Variants in KIAA0513 observed in about 807,000 individuals in gnomAD.
The protein encoded by KIAA0513 is uncharacterized protein KIAA0513.
Under a neutral mutation model 56.5 loss-of-function variants are expected in KIAA0513, and 39 were observed. That is an observed-to-expected ratio of 0.69 (90% confidence interval 0.53 to 0.90). The LOEUF (loss-of-function observed/expected upper bound fraction) is 0.90, where lower values mean the gene tolerates loss of function less well. Ranked by LOEUF, KIAA0513 falls within the 40% of genes least tolerant of loss-of-function variation. KIAA0513 has a pLI of 0.00. For synonymous variants in KIAA0513, 268 were observed against 215.6 expected (o/e 1.24, Z -2.13); for missense variants, 591 against 535.2 (o/e 1.10, Z -1.03).
intron 1 of KIAA0513, among the ~76,000 whole-genome samples, chr16:85,051,821 G>GTTT (rs573419828): frequency 7.1e-6 from 1 of 141,752 alleles, no homozygotes; most frequent in Admixed American, 7.1e-5. Context: ...TCCCTCTCAT[G>GTTT]TTTTTTTTTT....
At chr16:85,070,319 C>G (rs2073554317) in intron 2 of KIAA0513, among the ~76,000 whole-genome samples, 2 of 152,112 alleles carry the variant, frequency 1.3e-5, no homozygotes, top group Non-Finnish European at 2.9e-5. Context: ...GGAGACCAGC[C>G]TCAGTTTTCT....
At chr16:85,046,555 T>C (rs1363530037) in intron 1 of KIAA0513, among the ~76,000 whole-genome samples, 1 of 152,182 alleles carries the variant, frequency 6.6e-6, no homozygotes, top group African/African-American at 2.4e-5. Context: ...CCTTCCCTTC[T>C]ACAGATGGAC....
At chr16:85,056,834 G>A (rs1427120815) in intron 1 of KIAA0513, among the ~76,000 whole-genome samples, 1 of 152,082 alleles carries the variant, frequency 6.6e-6, no homozygotes, top group East Asian at 1.9e-4. Flanking sequence ...CAGACAGCTG[G>A]GTACTATAGG....
At chr16:85,035,580 T>G (rs566015266) in intron 1 of KIAA0513, among the ~76,000 whole-genome samples, 1 of 152,296 alleles carries the variant, frequency 6.6e-6, no homozygotes, top group East Asian at 1.9e-4. Flanking sequence ...AGCCTTGATC[T>G]CCCGGGCTCC....
rs199630925 is a variant in KIAA0513, at chr16:85,067,048, C to G, written c.-24C>G. On this transcript the variant is annotated 5_prime_UTR_variant, in exon 2 of 13. Coordinates refer to ENST00000683363, the MANE Select transcript of KIAA0513 (RefSeq NM_001388359.1). ...TCTAGGCAGCCTCCCCTCCAGGCAG[C>G]CTCACCAGCAGCTCCCCTGAGCCAT... The G allele has an allele frequency of 3.3e-4, 495 of 1,521,872 alleles. 3 individuals carry two copies. In the African/African-American group the frequency reaches 6.3e-3, roughly 19 times the overall value. 94.3% of individuals were successfully genotyped at this position (1,521,872 alleles called of 1,614,324 possible).
At chr16:85,031,373 A>G (rs1442346000) in intron 1 of KIAA0513, among the ~76,000 whole-genome samples, 2 of 152,184 alleles carry the variant, frequency 1.3e-5, no homozygotes, top group African/African-American at 4.8e-5. Context: ...AATCCCAGCT[A>G]CTAGGGAGGC....
Position 85,075,924 on chromosome 16 carries a change from G to C in KIAA0513, c.574+10G>C. 6.2e-7 allele frequency: 1 copy of C among 1,605,702 alleles called. No homozygotes were observed. The highest frequency in any genetic ancestry group is 1.7e-5 in the Admixed American group (1 of 60,010). On this transcript the variant is annotated intron_variant, in intron 5 of 12. Coordinates refer to ENST00000683363, the MANE Select transcript of KIAA0513 (RefSeq NM_001388359.1). The stretch of plus-strand genomic sequence containing the variant: ...ACCTACTACCACATCGGTAAGACAT[G>C]GGTGGGCTGATGTGGGGCTCACCTG...
Position 85,091,373 on chromosome 16 carries a change from G to C in KIAA0513, c.*3048G>C, listed in dbSNP as rs551992637. The C allele has an allele frequency of 6.6e-6, 1 of 152,286 alleles. No homozygotes were observed. Among genetic ancestry groups the C allele is most frequent in the South Asian group, 2.1e-4 (1 of 4,824 alleles). The allele number at this position is 152,286 out of a possible 1,614,324, so 9.4% of individuals were successfully genotyped here. ...TGTGCATGCGCATGTTTAACCACAG[G>C]CCAGAGAACTCAATTCTGATGTCGT... On this transcript the variant is annotated 3_prime_UTR_variant, in exon 13 of 13. Coordinates refer to ENST00000683363, the MANE Select transcript of KIAA0513 (RefSeq NM_001388359.1).
chr16:85,039,739 T>C (rs978427140), intron 1 of KIAA0513, among the ~76,000 whole-genome samples: 8 of 151,492 alleles, frequency 5.3e-5, no homozygotes, highest in African/African-American at 7.3e-5. Flanking sequence ...TGCCAAAGTA[T>C]TGGGATTACA....
intron 4 of KIAA0513, among the ~76,000 whole-genome samples, chr16:85,074,617 A>G (rs566242278): frequency 6.6e-6 from 1 of 152,290 alleles, no homozygotes; most frequent in South Asian, 2.1e-4. Context: ...AGGATACCCC[A>G]AGTCCAAGAT....
In KIAA0513 at chr16:85,067,211, C is replaced by A. The variant is rs778479553; in HGVS notation, c.140C>A (p.Thr47Asn). The part of the protein sequence containing the change: ...SLGDGASESE[T>N]TESADSENDM... ...GGGGACGGTGCATCAGAGAGTGAGA[C>A]CACTGAGTCTGCGGACAGTGAGAAT... is the stretch of plus-strand genomic sequence containing the variant. Residue 47 changes from threonine (T) to asparagine (N), a missense_variant, in exon 2 of 13, where the codon ACC becomes AAC. Transcript: ENST00000683363. 1.9e-5 allele frequency: 30 copies of A among 1,614,036 alleles called. No individual in the cohort carries two copies. The highest frequency in any genetic ancestry group is 2.7e-5 in the African/African-American group (2 of 74,934).
rs1306461374 is a variant in KIAA0513 at position 85,081,062 on chromosome 16, G to T, written c.903-253G>T. Among the ~76,000 whole-genome samples, 1 of 152,214 alleles carries T rather than the reference G, an allele frequency of 6.6e-6. No individual in the cohort carries two copies. Among genetic ancestry groups the T allele is most frequent in the African/African-American group, 2.4e-5 (1 of 41,456 alleles). ...GCCCTCCTGCCTGCAGCGCAGCCCG[G>T]GTTATCATAGCTTTCCCTCCCACTT... is the stretch of plus-strand genomic sequence containing the variant. On this transcript the variant is annotated intron_variant, in intron 8 of 12. Transcript: ENST00000683363. The surrounding 1 kb of genome is among the most constrained non-coding windows in gnomAD (Gnocchi z 4.4).
Position 85,075,862 on chromosome 16 carries a change from C to G in KIAA0513, c.522C>G (p.Asp174Glu), listed in dbSNP as rs2073648304. The change falls in exon 5 of 13, where the codon GAC becomes GAG. Residue 174 changes from aspartate (D) to glutamate (E), a missense_variant. Coordinates refer to ENST00000683363, the MANE Select transcript of KIAA0513 (RefSeq NM_001388359.1). ...VVLFECHQMD[D>E]FGPAKNLMTM... ...GTTTCAGGTGTCATCAGATGGATGA[C>G]TTTGGGCCTGCCAAGAACCTCATGA... 1 of 1,614,170 alleles carries G rather than the reference C, an allele frequency of 6.2e-7. No homozygotes were observed. The highest frequency in any genetic ancestry group is 8.5e-7 in the Non-Finnish European group (1 of 1,180,004).
chr16:85,086,732 C>T lies in KIAA0513; in HGVS notation c.1091+8C>T, dbSNP rs201925976. The T allele has an allele frequency of 4.6e-4, 744 of 1,610,074 alleles. 7 individuals are homozygous for T. In the African/African-American group the frequency reaches 9.3e-3, roughly 20 times the overall value. ...CACCTTCGGGCAGCTGGGGTAAGGG[C>T]CAGAGTGGGAAAGCGGGAGGGGAGA... On this transcript the variant is annotated splice_region_variant and intron_variant, in intron 11 of 12. Transcript: ENST00000683363.
At chr16:85,051,137 C>A (rs963213335) in intron 1 of KIAA0513, among the ~76,000 whole-genome samples, 2 of 151,744 alleles carry the variant, frequency 1.3e-5, no homozygotes, top group Non-Finnish European at 2.9e-5. Context: ...CAGAGTGAGA[C>A]CCTGTCTTAA....
rs933290699 is a variant in KIAA0513 at position 85,094,080 on chromosome 16, C to G, written c.*5755C>G. ...GTCCCGCTCGGTGATGTTCTACAAA[C>G]TCTGTTTTAAGGTTGAGAAAGTTTC... On this transcript the variant is annotated 3_prime_UTR_variant, in exon 13 of 13. Transcript: ENST00000683363. 1 of 152,178 alleles carries G rather than the reference C, an allele frequency of 6.6e-6. No homozygotes were observed. The highest frequency in any genetic ancestry group is 2.4e-5 in the African/African-American group (1 of 41,422). 9.4% of individuals were successfully genotyped at this position (152,178 alleles called of 1,614,324 possible). A position where few individuals can be genotyped will look rare whatever the true frequency, so the allele number is the denominator to read the frequency against.
intron 1 of KIAA0513, among the ~76,000 whole-genome samples, chr16:85,059,909 G>A (rs1260467468): frequency 6.6e-6 from 1 of 152,162 alleles, no homozygotes; most frequent in Non-Finnish European, 1.5e-5. Context: ...TTTTCAAAGA[G>A]GAAAACTAGG....
chr16:85,073,188 G>T (rs2073605032), intron 4 of KIAA0513, among the ~76,000 whole-genome samples, 190 bp downstream of exon 4: 1 of 152,134 alleles, frequency 6.6e-6, no homozygotes, highest in Admixed American at 6.5e-5. Flanking sequence ...GCGGGAGCAG[G>T]GCTGGCAGTC....
intron 1 of KIAA0513, among the ~76,000 whole-genome samples, chr16:85,057,246 G>T (rs1232893034): frequency 6.6e-5 from 10 of 152,198 alleles, no homozygotes; most frequent in Non-Finnish European, 2.9e-5. Context: ...TAGAGTCCAG[G>T]CTGATGCATT....
Sources: allele counts gnomAD v4.1 joint callset (sites outside exome capture counted in the v4.1 genomes callset), GRCh38; gene constraint gnomAD v4.1.1; non-coding constraint Gnocchi (gnomAD v3.1); transcripts MANE v1.5; gene names NCBI Gene and HGNC (gene_info 2026-07-23, HGNC 2026-07-21).